Variants in ERBB4 observed in about 807,000 individuals in gnomAD.
The protein encoded by ERBB4 is receptor tyrosine-protein kinase erbB-4.
ERBB4 carries 42 observed loss-of-function variants against 158.0 expected under a neutral mutation model. That is an observed-to-expected ratio of 0.27 (90% CI 0.21 to 0.34). ERBB4 has a LOEUF of 0.34. Among genes scored for constraint, ERBB4 ranks in the 10% least tolerant of loss-of-function variants. The probability of loss-of-function intolerance (pLI) is 1.00; values close to 1 mark genes in which losing one functional copy is unlikely to be tolerated. For synonymous variants in ERBB4, 583 were observed against 558.7 expected, an observed-to-expected ratio of 1.04 and a Z score of -0.61; for missense variants, 1,333 against 1,624.1, an observed-to-expected ratio of 0.82 and a Z score of 3.08.
intron 19 of ERBB4, among the ~76,000 whole-genome samples, chr2:211,562,425 T>C (rs191858819): frequency 2.6e-5 from 4 of 152,338 alleles, no homozygotes; most frequent in Admixed American, 2.0e-4. Context: ...GCTTATATTA[T>C]GGATTTTTAA....
chr2:211,556,167 A>T (rs1257576245), intron 20 of ERBB4, among the ~76,000 whole-genome samples: 1 of 152,224 alleles, frequency 6.6e-6, no homozygotes, highest in Non-Finnish European at 1.5e-5. Flanking sequence ...ACTATAAACC[A>T]AAAAAGATCA....
Position 211,861,158 on chromosome 2 carries a change from A to C in ERBB4, c.422-72999T>G, listed in dbSNP as rs1362472124. Among the ~76,000 whole-genome samples the C allele has an allele frequency of 1.5e-3, 58 of 38,204 alleles. 5 individuals are homozygous for C. The highest frequency in any genetic ancestry group is 2.5e-3 in the Non-Finnish European group (53 of 21,446). 25.1% of individuals were successfully genotyped at this position (38,204 alleles called of 152,430 possible). The stretch of plus-strand genomic sequence containing the variant: ...TATATATATATATATATATATATTA[A>C]AAAAAAGTAGTTTTTTTTTTTTTTG... On this transcript the variant is annotated intron_variant, in intron 3 of 27. Transcript: ENST00000342788.
intron 19 of ERBB4, among the ~76,000 whole-genome samples, chr2:211,617,667 T>A (rs560600067): frequency 6.6e-6 from 1 of 152,212 alleles, no homozygotes; most frequent in African/African-American, 2.4e-5. Context: ...CTGAAAGTAG[T>A]TTTATATAAA....
At chr2:211,421,443 C>CTATTTTTCTAGTGTT (rs2063513243) in intron 24 of ERBB4, among the ~76,000 whole-genome samples, 1 of 151,710 alleles carries the variant, frequency 6.6e-6, no homozygotes, top group African/African-American at 2.4e-5. Flanking sequence ...CCAAGTCTAT[C>CTATTTTTCTAGTGTT]TATTTTTCTA....
intron 1 of ERBB4, among the ~76,000 whole-genome samples, chr2:212,402,521 C>G (rs1560222166): frequency 6.6e-6 from 1 of 152,062 alleles, no homozygotes; most frequent in East Asian, 1.9e-4. Flanking sequence ...CTGAATAAGA[C>G]CAGTAGATGG....
At chr2:212,012,466 G>C (rs938776782) in intron 2 of ERBB4, among the ~76,000 whole-genome samples, 4 of 149,964 alleles carry the variant, frequency 2.7e-5, no homozygotes, top group Non-Finnish European at 5.9e-5. Context: ...ACCCAGGCTG[G>C]AGTGCGGTGG....
intron 2 of ERBB4, among the ~76,000 whole-genome samples, chr2:212,110,204 G>A (rs1455678275): frequency 3.9e-5 from 6 of 152,276 alleles, no homozygotes; most frequent in East Asian, 1.9e-4. Flanking sequence ...CAAAGGATTC[G>A]AAAAATCTAA....
At chr2:211,839,205 AAGAGAGAG>A (rs60603782) in intron 3 of ERBB4, among the ~76,000 whole-genome samples, 1 of 145,858 alleles carries the variant, frequency 6.9e-6, no homozygotes, top group African/African-American at 2.5e-5. Flanking sequence ...GAAAGAAAGA[AAGAGAGAG>A]AGAGAGAAAG....
intron 20 of ERBB4, among the ~76,000 whole-genome samples, chr2:211,453,637 T>C (rs1191704176): frequency 1.3e-5 from 2 of 152,180 alleles, no homozygotes; most frequent in African/African-American, 4.8e-5. Context: ...CTTTGGATCG[T>C]AACTCCATAG....
chr2:212,476,282 A>T (rs1272423778), intron 1 of ERBB4, among the ~76,000 whole-genome samples: 1 of 152,156 alleles, frequency 6.6e-6, no homozygotes, highest in Non-Finnish European at 1.5e-5. Flanking sequence ...TAGAGCAAAA[A>T]CTTTAAGTTA....
At chr2:212,529,136 T>G (rs1324620046) in intron 1 of ERBB4, among the ~76,000 whole-genome samples, 1 of 152,192 alleles carries the variant, frequency 6.6e-6, no homozygotes, top group Non-Finnish European at 1.5e-5. Flanking sequence ...GCTGGCATCT[T>G]GAGCTTCTTA....
intron 2 of ERBB4, among the ~76,000 whole-genome samples, chr2:212,003,214 AAGGAAGG>A (rs2076174286): frequency 6.8e-5 from 3 of 44,352 alleles, no homozygotes; most frequent in East Asian, 5.8e-4. Context: ...AGACAGAAAG[AAGGAAGG>A]AAGGAAGGAA....
chr2:212,283,311 A>T (rs2085829509), intron 1 of ERBB4, among the ~76,000 whole-genome samples: 1 of 152,018 alleles, frequency 6.6e-6, no homozygotes, highest in African/African-American at 2.4e-5. Flanking sequence ...AGTCTCTCAT[A>T]AAGATTCCGG....
intron 2 of ERBB4, among the ~76,000 whole-genome samples, chr2:212,091,239 A>G (rs1443201238): frequency 1.3e-5 from 2 of 152,026 alleles, no homozygotes; most frequent in African/African-American, 4.8e-5. Context: ...ATTAAGGTCA[A>G]TTGATGTGGC....
intron 3 of ERBB4, among the ~76,000 whole-genome samples, chr2:211,853,311 CTTTCT>C (rs1297689332): frequency 1.3e-5 from 2 of 151,900 alleles, no homozygotes; most frequent in Non-Finnish European, 1.5e-5. Flanking sequence ...TCTATGTTGC[CTTTCT>C]TTTAACTGGG....
At chr2:212,284,171 A>C (rs1473531148) in intron 1 of ERBB4, among the ~76,000 whole-genome samples, 3 of 152,110 alleles carry the variant, frequency 2.0e-5, no homozygotes, top group Admixed American at 2.0e-4. Context: ...TAAGAATATA[A>C]GTTTTTCTCA....
At chr2:212,298,204 T>C (rs2086486996) in intron 1 of ERBB4, among the ~76,000 whole-genome samples, 1 of 151,824 alleles carries the variant, frequency 6.6e-6, no homozygotes, top group South Asian at 2.1e-4. Context: ...TGTTCTTTTA[T>C]GCTGCTTGAA....
At chr2:211,738,375 T>TG (rs2074678041) in intron 5 of ERBB4, among the ~76,000 whole-genome samples, 1 of 149,410 alleles carries the variant, frequency 6.7e-6, no homozygotes, top group African/African-American at 2.4e-5. Context: ...TTTTTTTTTT[T>TG]TTTTTTTTTT....
chr2:211,805,300 T>C (rs1487350676), intron 3 of ERBB4, among the ~76,000 whole-genome samples: 3 of 152,046 alleles, frequency 2.0e-5, no homozygotes, highest in East Asian at 1.9e-4. Context: ...AATCCTTTTT[T>C]GTTTTCTTTG....
Sources: allele counts gnomAD v4.1 joint callset (sites outside exome capture counted in the v4.1 genomes callset), GRCh38; gene constraint gnomAD v4.1.1; transcripts MANE v1.5; gene names NCBI Gene and HGNC (gene_info 2026-07-23, HGNC 2026-07-21).